Variants in CA10 observed in about 807,000 individuals in gnomAD.
CA10 encodes carbonic anhydrase-related protein 10.
CA10 carries 14 observed loss-of-function variants against 44.2 expected under a neutral mutation model. The observed-to-expected ratio is 0.32, with a 90% CI of 0.21 to 0.50. CA10 has a LOEUF of 0.50. Among genes scored for constraint, CA10 ranks in the 20% least tolerant of loss-of-function variants. The probability of loss-of-function intolerance (pLI) is 0.99; values close to 1 mark genes in which losing one functional copy is unlikely to be tolerated. For synonymous variants in CA10, 159 were observed against 141.6 expected (o/e 1.12, Z -0.87); for missense variants, 350 against 409.7 (o/e 0.85, Z 1.26).
At chr17:51,814,102 G>A (rs1303436384) in intron 3 of CA10, among the ~76,000 whole-genome samples, 1 of 152,160 alleles carries the variant, frequency 6.6e-6, no homozygotes, top group Non-Finnish European at 1.5e-5. Context: ...CTAGCTGCAT[G>A]ATCTTCGGCA....
intron 2 of CA10, among the ~76,000 whole-genome samples, chr17:52,037,683 C>A (rs992722259): frequency 6.6e-6 from 1 of 152,118 alleles, no homozygotes; most frequent in African/African-American, 2.4e-5. Context: ...CCAGATGACA[C>A]TAGACCAGCC....
chr17:51,769,570 T>C (rs1490873900), intron 3 of CA10, among the ~76,000 whole-genome samples: 1 of 152,106 alleles, frequency 6.6e-6, no homozygotes, highest in Admixed American at 6.5e-5. Context: ...CTAGCAGAAT[T>C]GGTAGACATC....
intron 3 of CA10, among the ~76,000 whole-genome samples, chr17:51,764,114 G>GA (rs1374975017): frequency 1.3e-5 from 2 of 151,698 alleles, no homozygotes; most frequent in Non-Finnish European, 2.9e-5. Context: ...GTTGAAACAT[G>GA]AAAAAAATGT....
rs1454584769 is a variant in CA10 at position 51,820,184 on chromosome 17, CG to C, written c.280-72367del. Among the ~76,000 whole-genome samples, 29 of 61,102 alleles carry C rather than the reference CG, an allele frequency of 4.7e-4. No individual in the cohort carries two copies. The East Asian group carries it at 0.013, about 27-fold the overall frequency. The allele number at this position is 61,102 out of a possible 152,430, so 40.1% of individuals were successfully genotyped here. A position where few individuals can be genotyped will look rare whatever the true frequency, so the allele number is the denominator to read the frequency against. On this transcript the variant is annotated intron_variant, in intron 3 of 8. Transcript: ENST00000451037. Reference sequence around the variant, plus strand: ...GACTCCAGAACATGAACCTGAGCGCCGCCCCCCCCCCCCCAGGTAATACCCC... The same window carrying C: ...GACTCCAGAACATGAACCTGAGCGCCCCCCCCCCCCCCCAGGTAATACCCC...
At chr17:51,830,111 C>T (rs527418606) in intron 3 of CA10, among the ~76,000 whole-genome samples, 4 of 148,838 alleles carry the variant, frequency 2.7e-5, no homozygotes, top group South Asian at 4.3e-4. Flanking sequence ...GCAGGAGAAT[C>T]GCTTGAACCC....
At chr17:51,635,076 C>T (rs1295236683) in intron 7 of CA10, among the ~76,000 whole-genome samples, 1 of 152,070 alleles carries the variant, frequency 6.6e-6, no homozygotes, top group Non-Finnish European at 1.5e-5. Flanking sequence ...CAGAATGTGA[C>T]CTTATTTGGA....
chr17:51,930,846 A>G lies in CA10; in HGVS notation c.279+144T>C, dbSNP rs1312565581. 9 of 918,294 alleles carry G rather than the reference A, an allele frequency of 9.8e-6. No homozygotes were observed. The African/African-American group carries it at 1.2e-4, about 12-fold the overall frequency. The allele number at this position is 918,294 out of a possible 1,614,324, so 56.9% of individuals were successfully genotyped here. A position where few individuals can be genotyped will look rare whatever the true frequency, so the allele number is the denominator to read the frequency against. ...AAAAGCACAATTTAGACATATTTCT[A>G]TCTAATGGCGGCAGGTCTGAAGTCT... On this transcript the variant is annotated intron_variant, in intron 3 of 8. Transcript: ENST00000451037.
chr17:51,653,632 G>C lies in CA10; in HGVS notation c.561+9C>G. 1 of 1,439,040 alleles carries C rather than the reference G, an allele frequency of 6.9e-7. No individual in the cohort carries two copies. Among genetic ancestry groups the C allele is most frequent in the South Asian group, 1.1e-5 (1 of 87,520 alleles). 89.1% of individuals were successfully genotyped at this position (1,439,040 alleles called of 1,614,324 possible). On this transcript the variant is annotated intron_variant, in intron 5 of 8. Coordinates refer to ENST00000451037, the MANE Select transcript of CA10 (RefSeq NM_020178.5). ...TGGTGAGAAGAATGAAGGAATGCAAGAGACTTACTTTTATAAATATAGAAA... is the reference window on the plus strand; with the variant it reads ...TGGTGAGAAGAATGAAGGAATGCAACAGACTTACTTTTATAAATATAGAAA...
chr17:51,990,104 T>G (rs574528904), intron 2 of CA10, among the ~76,000 whole-genome samples: 1 of 152,138 alleles, frequency 6.6e-6, no homozygotes, highest in Non-Finnish European at 1.5e-5. Context: ...TTAAGATACA[T>G]CTAGCTCTTC....
intron 1 of CA10, among the ~76,000 whole-genome samples, chr17:52,101,650 C>A (rs1473169768): frequency 2.0e-5 from 3 of 152,140 alleles, no homozygotes; most frequent in African/African-American, 7.2e-5. Flanking sequence ...TGTTAACCAA[C>A]AAAGTCTCTA....
intron 4 of CA10, among the ~76,000 whole-genome samples, chr17:51,737,942 T>C (rs543167175): frequency 6.6e-6 from 1 of 152,330 alleles, no homozygotes; most frequent in Admixed American, 6.5e-5. Flanking sequence ...CTTCACTTAC[T>C]ATATCCTAGG....
intron 1 of CA10, among the ~76,000 whole-genome samples, chr17:52,120,845 C>T (rs1430682019): frequency 1.3e-5 from 2 of 152,170 alleles, no homozygotes; most frequent in Non-Finnish European, 2.9e-5. Context: ...TTGCTGAGAG[C>T]ATTCTTTTCA....
At chr17:51,892,213 G>A (rs1221313663) in intron 3 of CA10, among the ~76,000 whole-genome samples, 3 of 152,168 alleles carry the variant, frequency 2.0e-5, no homozygotes, top group African/African-American at 7.2e-5. Context: ...GTAAGTGGTG[G>A]AACTGGGATT....
intron 3 of CA10, among the ~76,000 whole-genome samples, chr17:51,872,362 T>C (rs1000295185): frequency 4.6e-5 from 7 of 152,294 alleles, no homozygotes; most frequent in East Asian, 1.9e-4. Flanking sequence ...CTCTCCTTCG[T>C]AGGGCTCATA....
chr17:51,802,760 G>A (rs912203110), intron 3 of CA10, among the ~76,000 whole-genome samples: 2 of 152,054 alleles, frequency 1.3e-5, no homozygotes, highest in African/African-American at 4.8e-5. Context: ...CTGTGGTGAG[G>A]AAGGGCCTTG....
intron 1 of CA10, among the ~76,000 whole-genome samples, chr17:52,123,327 A>G (rs542609064): frequency 6.0e-4 from 89 of 147,110 alleles, no homozygotes; most frequent in African/African-American, 1.7e-3. Context: ...TTACATATAT[A>G]TGTGTGTGTG....
chr17:51,986,875 G>A (rs1274479682), intron 2 of CA10, among the ~76,000 whole-genome samples: 10 of 152,046 alleles, frequency 6.6e-5, no homozygotes, highest in Admixed American at 5.3e-4. Flanking sequence ...CGGCATGGAT[G>A]TGCTGAACAG....
At chr17:51,809,345 C>T (rs1019985442) in intron 3 of CA10, among the ~76,000 whole-genome samples, 3 of 152,118 alleles carry the variant, frequency 2.0e-5, no homozygotes, top group African/African-American at 7.2e-5. Flanking sequence ...AAGTAACATA[C>T]CAACATTGTG....
intron 3 of CA10, among the ~76,000 whole-genome samples, chr17:51,921,318 G>A (rs988987904): frequency 2.0e-5 from 3 of 152,154 alleles, no homozygotes; most frequent in Non-Finnish European, 4.4e-5. Context: ...CCATGAAACA[G>A]AAGGTCATTC....
Sources: gnomAD v4.1 joint callset for allele counts (sites outside exome capture counted in the v4.1 genomes callset) on GRCh38, gnomAD v4.1.1 for gene constraint, MANE v1.5 for transcripts, NCBI Gene and HGNC (gene_info 2026-07-23, HGNC 2026-07-21) for gene names.